The following SOD2 variants were observed in gnomAD, a reference collection of about 807,000 sequenced individuals.
The protein encoded by SOD2 is superoxide dismutase [Mn], mitochondrial.
A neutral mutation model predicts 27.0 loss-of-function variants in SOD2; 11 were observed. That is an observed-to-expected ratio of 0.41 (90% CI 0.26 to 0.67). The LOEUF is 0.67. SOD2 is among the 30% of genes least tolerant of loss of function. The pLI, the probability that SOD2 is intolerant of heterozygous loss-of-function variation, is 0.34. For synonymous variants in SOD2, 105 were observed against 103.0 expected (o/e 1.02, Z -0.12); for missense variants, 250 against 274.5 (o/e 0.91, Z 0.63).
At chr6:159,708,576 C>A (rs1777671117) in intron 1 of SOD2, among the ~76,000 whole-genome samples, 1 of 152,132 alleles carries the variant, frequency 6.6e-6, no homozygotes, top group Non-Finnish European at 1.5e-5. Context: ...TGTGAAGGAC[C>A]TCTTCAAGGA....
At chr6:159,754,817 A>G (rs1047100982) in intron 1 of SOD2, among the ~76,000 whole-genome samples, 3 of 152,148 alleles carry the variant, frequency 2.0e-5, no homozygotes, top group African/African-American at 7.2e-5. Flanking sequence ...TGGAGGGCCA[A>G]CTGTATATTA....
At chr6:159,727,273 C>T (rs1329326425) in exon 1 of SOD2, 19 of 1,282,800 alleles carry the variant, frequency 1.5e-5, no homozygotes, top group Non-Finnish European at 1.9e-5. Context: ...CACCTTTCCT[C>T]TCCTGGCGGG....
chr6:159,757,342 C>A (rs560199492), intron 1 of SOD2, among the ~76,000 whole-genome samples: 3 of 152,118 alleles, frequency 2.0e-5, no homozygotes, highest in Non-Finnish European at 2.9e-5. Context: ...TTAGCTGATA[C>A]AGGTATATCC....
At chr6:159,743,236 G>A (rs1482463594) in intron 1 of SOD2, among the ~76,000 whole-genome samples, 2 of 152,052 alleles carry the variant, frequency 1.3e-5, no homozygotes, top group East Asian at 1.9e-4. Flanking sequence ...TAGTAGAGAC[G>A]GTGTTTCACC....
chr6:159,705,864 A>G (rs1438558806), intron 1 of SOD2, among the ~76,000 whole-genome samples: 1 of 152,240 alleles, frequency 6.6e-6, no homozygotes, highest in Non-Finnish European at 1.5e-5. Context: ...GGGCAGCCAG[A>G]GAGAAAGGTC....
At chr6:159,727,053 C>A in intron 1 of SOD2, 1 of 1,217,646 alleles carries the variant, frequency 8.2e-7, no homozygotes, top group Non-Finnish European at 1.0e-6. Flanking sequence ...AGTACTTCCA[C>A]CTTCCCTTCC....
chr6:159,706,345 C>A (rs901896783), intron 1 of SOD2, among the ~76,000 whole-genome samples: 1 of 152,040 alleles, frequency 6.6e-6, no homozygotes, highest in African/African-American at 2.4e-5. Context: ...GAGTCAAGAC[C>A]CATCAGTCTG....
chr6:159,762,135 C>T, exon 1 of SOD2: 1 of 1,612,178 alleles, frequency 6.2e-7, no homozygotes, highest in Non-Finnish European at 8.5e-7. Context: ...CGGCGCGGAC[C>T]ATCATAGGTG....
chr6:159,755,024 A>T (rs769849913), intron 1 of SOD2: 85 of 1,605,940 alleles, frequency 5.3e-5, no homozygotes, highest in Non-Finnish European at 1.7e-6. Context: ...TCTCCTTTGC[A>T]CAGAACTGAA....
At chr6:159,727,360 C>G, upstream of SOD2, 3 of 795,452 alleles carry the variant, frequency 3.8e-6, no homozygotes, top group East Asian at 8.3e-5. Flanking sequence ...GCGAACATGG[C>G]GGAGCGGGGA....
chr6:159,753,975 CAT>C (rs939438065), intron 1 of SOD2, among the ~76,000 whole-genome samples: 5 of 152,098 alleles, frequency 3.3e-5, no homozygotes, highest in Non-Finnish European at 7.4e-5. Context: ...ATCTTAGAAA[CAT>C]GGGCAGTTTT....
chr6:159,733,865 G>C (rs1450656476), intron 1 of SOD2, among the ~76,000 whole-genome samples: 1 of 152,136 alleles, frequency 6.6e-6, no homozygotes, highest in Non-Finnish European at 1.5e-5. Context: ...GCGGTGAGCC[G>C]AGATCGCGCC....
Position 159,744,694 on chromosome 6 carries a change from C to T in SOD2, c.-116+436G>A, listed in dbSNP as rs1382233677. 2.0e-5 allele frequency among the ~76,000 whole-genome samples: 3 copies of T among 152,238 alleles called. No homozygotes were observed. In the East Asian group the frequency reaches 5.8e-4, roughly 29 times the overall value. On this transcript the variant is annotated intron_variant, in intron 1 of 3. Transcript: ENST00000537657. ...TACTTTGCTAAAGGCTGGCTTTTAT[C>T]ATTTTCTTTACTTTTTTTTCCCACT...
In SOD2 at chr6:159,676,747, A is replaced by T. The variant is rs565587488; in HGVS notation, c.*5746T>A. On this transcript the variant is annotated 3_prime_UTR_variant, in exon 5 of 5. Coordinates refer to ENST00000538183, the MANE Select transcript of SOD2 (RefSeq NM_000636.4). Reference sequence around the variant, plus strand: ...TACCCTAGAACTTAAAGTATAATTTAAAAATAAATAAGTAAAAAATAAAAT... The same window carrying T: ...TACCCTAGAACTTAAAGTATAATTTTAAAATAAATAAGTAAAAAATAAAAT... 1.3e-5 allele frequency: 2 copies of T among 152,302 alleles called. No individual in the cohort carries two copies. The highest frequency in any genetic ancestry group is 4.8e-5 in the African/African-American group (2 of 41,546). 9.4% of individuals were successfully genotyped at this position (152,302 alleles called of 1,614,324 possible).
At chr6:159,735,522 G>A (rs950904954) in intron 1 of SOD2, among the ~76,000 whole-genome samples, 1 of 152,138 alleles carries the variant, frequency 6.6e-6, no homozygotes, top group East Asian at 1.9e-4. Context: ...AGGCCAAGGC[G>A]GACGGGTTGC....
chr6:159,684,360 G>T (rs1780088906), intron 4 of SOD2, among the ~76,000 whole-genome samples: 1 of 152,148 alleles, frequency 6.6e-6, no homozygotes. Context: ...GCTCATGCCT[G>T]TAATCCCAGC....
chr6:159,675,568 C>A lies in SOD2; in HGVS notation c.*6925G>T, dbSNP rs1000897836. ...ACATGTAGAAAGCTGAAACTGGATC[C>A]CTTCCTTACACCTTATACAAAAATT... is the stretch of plus-strand genomic sequence containing the variant. On this transcript the variant is annotated 3_prime_UTR_variant, in exon 5 of 5. Coordinates refer to ENST00000538183, the MANE Select transcript of SOD2 (RefSeq NM_000636.4). The A allele has an allele frequency of 1.1e-4, 16 of 152,222 alleles. No individual in the cohort carries two copies. The highest frequency in any genetic ancestry group is 3.9e-4 in the African/African-American group (16 of 41,534). The allele number at this position is 152,222 out of a possible 1,614,324, so 9.4% of individuals were successfully genotyped here. A position where few individuals can be genotyped will look rare whatever the true frequency, so the allele number is the denominator to read the frequency against.
intron 1 of SOD2, among the ~76,000 whole-genome samples, chr6:159,715,587 C>G (rs1477605883): frequency 6.6e-6 from 1 of 152,130 alleles, no homozygotes; most frequent in East Asian, 1.9e-4. Flanking sequence ...CAGAGGCAAA[C>G]AGAATAGTAT....
intron 1 of SOD2, among the ~76,000 whole-genome samples, chr6:159,705,803 GAC>G: frequency 6.6e-6 from 1 of 152,264 alleles, no homozygotes; most frequent in Non-Finnish European, 1.5e-5. Flanking sequence ...GCAACTCCAA[GAC>G]ACATAATTGT....
Sources: allele counts gnomAD v4.1 joint callset (sites outside exome capture counted in the v4.1 genomes callset), GRCh38; gene constraint gnomAD v4.1.1; transcripts MANE v1.5; gene names NCBI Gene and HGNC (gene_info 2026-07-23, HGNC 2026-07-21).